The following NDUFS6 variants were observed in gnomAD, a reference collection of about 807,000 sequenced individuals.
The protein encoded by NDUFS6 is NADH dehydrogenase [ubiquinone] iron-sulfur protein 6, mitochondrial.
A neutral mutation model predicts 13.2 loss-of-function variants in NDUFS6; 14 were observed. The observed-to-expected ratio is 1.06, with a 90% CI of 0.70 to 1.66. The LOEUF is 1.66. Among genes scored for constraint, NDUFS6 ranks in the 40% most tolerant of loss-of-function variants. The pLI is 0.00. For missense variants in NDUFS6, 206 were observed against 170.8 expected, an observed-to-expected ratio of 1.21 and a Z score of -1.15; for synonymous variants, 95 against 72.3, an observed-to-expected ratio of 1.31 and a Z score of -1.60.
At chr5:1,809,643 G>T (rs541977063) in intron 2 of NDUFS6, among the ~76,000 whole-genome samples, 2 of 152,228 alleles carry the variant, frequency 1.3e-5, no homozygotes, top group Admixed American at 6.5e-5. Context: ...GGAGGTGGCC[G>T]GTCTCTTTGA....
chr5:1,811,365 AC>A (rs1219921648), intron 2 of NDUFS6, among the ~76,000 whole-genome samples: 2 of 151,956 alleles, frequency 1.3e-5, no homozygotes, highest in Non-Finnish European at 2.9e-5. Context: ...TAAAAAAAAA[AC>A]AAAATAACAA....
intron 2 of NDUFS6, among the ~76,000 whole-genome samples, chr5:1,806,688 A>G (rs372371823): frequency 5.6e-4 from 85 of 152,294 alleles, no homozygotes; most frequent in African/African-American, 1.8e-3. Flanking sequence ...GGAGCAACTG[A>G]AACTTTGTGC....
In NDUFS6 at chr5:1,802,310, T is replaced by C; in HGVS notation, c.133-11T>C. The C allele has an allele frequency of 6.2e-7, 1 of 1,613,154 alleles. No individual in the cohort carries two copies. The highest frequency in any genetic ancestry group is 1.1e-5 in the South Asian group (1 of 90,942). On this transcript the variant is annotated splice_polypyrimidine_tract_variant and intron_variant, in intron 1 of 3. Coordinates refer to ENST00000274137, the MANE Select transcript of NDUFS6 (RefSeq NM_004553.6). ...GTAAAAGTCACACATGGTCTTTTTG[T>C]TTTTTTCCAGGTTTATGATGATAAA...
At chr5:1,805,442 G>C (rs907943080) in intron 2 of NDUFS6, among the ~76,000 whole-genome samples, 3 of 152,384 alleles carry the variant, frequency 2.0e-5, no homozygotes, top group South Asian at 4.1e-4. Context: ...AAGTATCTTT[G>C]TGTGGCTCCT....
chr5:1,814,448 T>C lies in NDUFS6; in HGVS notation c.296T>C (p.Val99Ala), dbSNP rs771223061. ...GGGGALGHPK[V>A]YINLDKETKT... ...GGGGGAGCTCTTGGCCACCCAAAAG[T>C]GTATATAAACTTGGTGCGTAGCTGG... The change falls in exon 3 of 4, where the codon GTG becomes GCG. Residue 99 changes from valine to alanine, a missense_variant. By Grantham distance (64) the Val-to-Ala change is moderately conservative (BLOSUM62 0). Transcript: ENST00000274137. The surrounding 1 kb of genome is among the most constrained non-coding windows in gnomAD (Gnocchi z 4.9). 5.6e-6 allele frequency: 9 copies of C among 1,613,962 alleles called. No individual in the cohort carries two copies. Among genetic ancestry groups the C allele is most frequent in the East Asian group, 2.2e-5 (1 of 44,888 alleles).
chr5:1,804,887 T>A (rs1734099668), intron 2 of NDUFS6, among the ~76,000 whole-genome samples: 1 of 152,228 alleles, frequency 6.6e-6, no homozygotes, highest in Non-Finnish European at 1.5e-5. Context: ...TTTGGATAGA[T>A]GTGTAATGAC....
chr5:1,805,566 C>T (rs1734110430), intron 2 of NDUFS6, among the ~76,000 whole-genome samples: 1 of 152,218 alleles, frequency 6.6e-6, no homozygotes, highest in Non-Finnish European at 1.5e-5. Context: ...CACCCCCAGC[C>T]AGAAGTCAGG....
chr5:1,807,137 G>GTACTCAGAGGTACTGCGTGAGC (rs1734137651), intron 2 of NDUFS6, among the ~76,000 whole-genome samples: 1 of 152,048 alleles, frequency 6.6e-6, no homozygotes, highest in African/African-American at 2.4e-5. Context: ...ACTGCGTGAG[G>GTACTCAGAGGTACTGCGTGAGC]TACTCAGAGG....
intron 1 of NDUFS6, 67 bp from the exon 2 acceptor site, chr5:1,802,254 A>G: frequency 7.1e-7 from 1 of 1,398,644 alleles, no homozygotes; most frequent in Non-Finnish European, 1.0e-6. Flanking sequence ...AATATTTATG[A>G]TTGATATGAA....
At chr5:1,806,701 T>G (rs2111351863) in intron 2 of NDUFS6, among the ~76,000 whole-genome samples, 1 of 152,314 alleles carries the variant, frequency 6.6e-6, no homozygotes, top group East Asian at 1.9e-4. Flanking sequence ...CTTTGTGCCT[T>G]GCTGCTGGGA....
chr5:1,802,335 A>G lies in NDUFS6; in HGVS notation c.147A>G (p.Lys49=). 1 of 1,614,120 alleles carries G rather than the reference A, an allele frequency of 6.2e-7. No homozygotes were observed. Among genetic ancestry groups the G allele is most frequent in the Non-Finnish European group, 8.5e-7 (1 of 1,179,988 alleles). The change falls in exon 2 of 4, where the codon AAA becomes AAG. Residue 49 remains lysine (K), a synonymous_variant. Transcript: ENST00000274137. ...VTHTGQVYDD[K]DYRRIRFVGR... ...TTTTTTTCCAGGTTTATGATGATAA[A>G]GACTACAGGAGAATTCGGTTTGTAG...
At chr5:1,802,285 G>C (rs775615359) in intron 1 of NDUFS6, 36 bp from the exon 2 acceptor site, 30 of 1,583,526 alleles carry the variant, frequency 1.9e-5, no homozygotes, top group Non-Finnish European at 1.4e-5. Context: ...GAATTAGGCC[G>C]TAAAAGTCAC....
chr5:1,803,534 G>A (rs1430867365), intron 2 of NDUFS6, among the ~76,000 whole-genome samples: 2 of 152,180 alleles, frequency 1.3e-5, no homozygotes, highest in East Asian at 3.8e-4. Flanking sequence ...TCACAGCATG[G>A]GTTCAGTTTT....
intron 2 of NDUFS6, among the ~76,000 whole-genome samples, chr5:1,809,966 A>G (rs1220522216): frequency 6.6e-6 from 1 of 152,266 alleles, no homozygotes; most frequent in Non-Finnish European, 1.5e-5. Context: ...TTCTGGAAAT[A>G]GATCTTCAAG....
chr5:1,813,847 A>G (rs185849729), intron 2 of NDUFS6, among the ~76,000 whole-genome samples: 1 of 152,238 alleles, frequency 6.6e-6, no homozygotes, highest in South Asian at 2.1e-4. Context: ...GGTCTAACGG[A>G]TTGCAGAGCT....
rs775282041 is a variant in NDUFS6 at position 1,801,467 on chromosome 5, C to A, written c.50C>A (p.Ala17Glu). 38 of 1,603,602 alleles carry A rather than the reference C, an allele frequency of 2.4e-5. No homozygotes were observed. The South Asian group carries it at 3.7e-4, about 16-fold the overall frequency. ...CGGCTGCTGAACCGGTGTGGCGAGG[C>A]GGCGCGGAGCCTGCCCCTGGGCGCC... ...FCRLLNRCGE[A>E]ARSLPLGARC... is the part of the protein sequence containing the mutation. The change falls in exon 1 of 4, where the codon GCG (alanine) becomes GAG (glutamate). Residue 17 changes from alanine to glutamate, a missense_variant. Physicochemically the swap from Ala to Glu is moderately radical, Grantham distance 107 (BLOSUM62 -1). Transcript: ENST00000274137.
At chr5:1,805,840 TTTTTGG>T (rs1561104099) in intron 2 of NDUFS6, among the ~76,000 whole-genome samples, 4 of 152,176 alleles carry the variant, frequency 2.6e-5, no homozygotes, top group African/African-American at 9.7e-5. Context: ...ATCATTTGCT[TTTTTGG>T]TTAGTAGCTG....
intron 2 of NDUFS6, 22 bp downstream of exon 2, chr5:1,802,396 G>T: frequency 6.2e-7 from 1 of 1,606,018 alleles, no homozygotes; most frequent in South Asian, 1.1e-5. Context: ...ATCTAGTGAA[G>T]AGAGGTAAGC....
intron 2 of NDUFS6, among the ~76,000 whole-genome samples, chr5:1,811,844 A>G (rs1019043063): frequency 6.6e-6 from 1 of 152,348 alleles, no homozygotes; most frequent in East Asian, 1.9e-4. Flanking sequence ...TTGTAGTAAG[A>G]GACTTTGATC....
Sources: allele counts gnomAD v4.1 joint callset (sites outside exome capture counted in the v4.1 genomes callset), GRCh38; gene constraint gnomAD v4.1.1; non-coding constraint Gnocchi (gnomAD v3.1); transcripts MANE v1.5; gene names NCBI Gene and HGNC (gene_info 2026-07-23, HGNC 2026-07-21).